Variants in DYM observed in about 807,000 individuals in gnomAD.
DYM encodes dyggve-Melchior-Clausen syndrome protein.
Under a neutral mutation model 93.1 loss-of-function variants are expected in DYM, and 78 were observed. The ratio of observed to expected loss-of-function variants is 0.84; its 90% CI spans 0.70 to 1.01. The LOEUF is 1.01. Ranked by LOEUF, DYM falls within the 50% of genes least tolerant of loss-of-function variation. The pLI is 0.00. For synonymous variants in DYM, 321 were observed against 319.7 expected, an observed-to-expected ratio of 1.00 and a Z score of -0.04; for missense variants, 789 against 845.0, an observed-to-expected ratio of 0.93 and a Z score of 0.82.
At chr18:49,075,561 G>C (rs921008400) in intron 17 of DYM, among the ~76,000 whole-genome samples, 3 of 152,056 alleles carry the variant, frequency 2.0e-5, no homozygotes, top group African/African-American at 7.2e-5. Context: ...GCAGAGTCAA[G>C]AGGAAAATAC....
intron 6 of DYM, among the ~76,000 whole-genome samples, chr18:49,344,886 G>A (rs147721887): frequency 5.3e-5 from 8 of 152,226 alleles, no homozygotes; most frequent in African/African-American, 1.9e-4. Context: ...TAAATCTAGA[G>A]GGGCAGATAA....
chr18:49,367,854 G>C (rs1254691850), intron 5 of DYM, among the ~76,000 whole-genome samples: 1 of 151,898 alleles, frequency 6.6e-6, no homozygotes, highest in East Asian at 1.9e-4. Context: ...AATAAAATTG[G>C]CTTCTTTAAA....
At chr18:49,106,772 T>A (rs1249141599) in intron 16 of DYM, among the ~76,000 whole-genome samples, 1 of 152,258 alleles carries the variant, frequency 6.6e-6, no homozygotes, top group Non-Finnish European at 1.5e-5. Flanking sequence ...TGCCGAGAGA[T>A]CAGCTGTTAG....
intron 6 of DYM, among the ~76,000 whole-genome samples, chr18:49,335,196 T>C (rs2146892764): frequency 6.6e-6 from 1 of 152,322 alleles, no homozygotes; most frequent in Admixed American, 6.5e-5. Context: ...CAATTAGCCT[T>C]ATTACGTGGT....
At chr18:49,225,967 T>A (rs1490870888) in intron 13 of DYM, among the ~76,000 whole-genome samples, 1 of 152,158 alleles carries the variant, frequency 6.6e-6, no homozygotes, top group African/African-American at 2.4e-5. Flanking sequence ...AATCATATTA[T>A]CTCTTAGGGA....
intron 15 of DYM, among the ~76,000 whole-genome samples, chr18:49,127,865 G>A (rs1485300810): frequency 3.3e-5 from 5 of 152,162 alleles, no homozygotes; most frequent in Non-Finnish European, 7.4e-5. Context: ...AAAAGACAAT[G>A]GGTAACCTTA....
intron 13 of DYM, among the ~76,000 whole-genome samples, chr18:49,243,056 G>GA: frequency 6.6e-6 from 1 of 152,166 alleles, no homozygotes; most frequent in Non-Finnish European, 1.5e-5. Context: ...GATGGACAGA[G>GA]AAAAGAGCTG....
At chr18:49,210,342 G>A (rs1426381592) in intron 13 of DYM, among the ~76,000 whole-genome samples, 2 of 152,106 alleles carry the variant, frequency 1.3e-5, no homozygotes, top group African/African-American at 2.4e-5. Context: ...ATAAATAAAC[G>A]GTGGTACATC....
intron 1 of DYM, among the ~76,000 whole-genome samples, chr18:49,432,363 C>A (rs113472724): frequency 0.015 from 2,135 of 146,882 alleles, 51 homozygotes; most frequent in African/African-American, 0.05. Context: ...GAAAGAAATT[C>A]TCTGAAATAT....
At chr18:49,444,627 T>C (rs2081946468) in intron 1 of DYM, among the ~76,000 whole-genome samples, 1 of 152,182 alleles carries the variant, frequency 6.6e-6, no homozygotes, top group African/African-American at 2.4e-5. Flanking sequence ...TTTCCAGCAG[T>C]ATTTTTTCAT....
chr18:49,112,955 C>G (rs1030999161), intron 16 of DYM, among the ~76,000 whole-genome samples: 1 of 152,134 alleles, frequency 6.6e-6, no homozygotes, highest in Non-Finnish European at 1.5e-5. Context: ...AATCTCCTAC[C>G]GGTATTCTAA....
chr18:49,356,539 C>T (rs1423932212), intron 6 of DYM, among the ~76,000 whole-genome samples: 2 of 152,188 alleles, frequency 1.3e-5, no homozygotes, highest in Non-Finnish European at 2.9e-5. Context: ...CTCCACCCAC[C>T]TTACGGCTAG....
chr18:49,378,961 G>A (rs956963259), intron 4 of DYM, among the ~76,000 whole-genome samples: 2 of 152,084 alleles, frequency 1.3e-5, no homozygotes, highest in African/African-American at 2.4e-5. Flanking sequence ...AGGAATGACT[G>A]TTCTTTGTTC....
chr18:49,313,225 G>A (rs907580974), intron 8 of DYM, among the ~76,000 whole-genome samples: 26 of 151,980 alleles, frequency 1.7e-4, no homozygotes, highest in African/African-American at 4.6e-4. Context: ...CAGCACTTTG[G>A]GAGGCCGAGG....
chr18:49,333,751 G>A lies in DYM; in HGVS notation c.597C>T (p.His199=), dbSNP rs1275801404. 7 of 1,613,878 alleles carry A rather than the reference G, an allele frequency of 4.3e-6. No homozygotes were observed. The highest frequency in any genetic ancestry group is 5.9e-6 in the Non-Finnish European group (7 of 1,179,930). The stretch of plus-strand genomic sequence containing the variant: ...ACCATGGACCTCGCATCAAATACTT[G>A]TGGCTGATGCTCTGTCGCAAAACTT... The part of the protein sequence containing the change: ...HKEVLRQSIS[H]KYLMRGPCLP... The change falls in exon 7 of 18, where the codon CAC becomes CAT. Residue 199 remains histidine (H), a synonymous_variant. Transcript: ENST00000675505.
intron 8 of DYM, among the ~76,000 whole-genome samples, chr18:49,328,880 C>G (rs2063110413): frequency 6.6e-6 from 1 of 152,114 alleles, no homozygotes; most frequent in African/African-American, 2.4e-5. Flanking sequence ...TGTGGCGATT[C>G]CTCAGGGTTC....
At chr18:49,308,721 C>T (rs972438715) in intron 8 of DYM, among the ~76,000 whole-genome samples, 5 of 151,982 alleles carry the variant, frequency 3.3e-5, no homozygotes, top group African/African-American at 1.2e-4. Flanking sequence ...TGGCGGGAGA[C>T]GGGAAGGGGA....
At position 49,144,757 on chromosome 18, in the gene DYM, ATCTCT is replaced by A. The variant is rs796557567; in HGVS notation, c.1728+18923_1728+18927del. On this transcript the variant is annotated intron_variant, in intron 15 of 17. Transcript: ENST00000675505. ...TTCAAGATCAAAGGGTTCTTAGTTA[ATCTCT>A]TCTATTTTAAATCTGCATATAATGT... Among the ~76,000 whole-genome samples the A allele has an allele frequency of 7.4e-4, 113 of 152,106 alleles. 2 individuals carry two copies. The highest frequency in any genetic ancestry group is 2.7e-3 in the African/African-American group (112 of 41,478).
chr18:49,217,399 G>C (rs976643099), intron 13 of DYM, among the ~76,000 whole-genome samples: 14 of 152,168 alleles, frequency 9.2e-5, no homozygotes, highest in African/African-American at 3.4e-4. Flanking sequence ...AGGAAATACA[G>C]AGAACGCCAC....
Sources: allele counts gnomAD v4.1 joint callset (sites outside exome capture counted in the v4.1 genomes callset), GRCh38; gene constraint gnomAD v4.1.1; transcripts MANE v1.5; gene names NCBI Gene and HGNC (gene_info 2026-07-23, HGNC 2026-07-21).